Variants in IQCJ observed in about 807,000 individuals in gnomAD.
IQCJ encodes IQ domain-containing protein J.
IQCJ carries 9 observed loss-of-function variants against 11.0 expected under a neutral mutation model. That is an observed-to-expected ratio of 0.82 (90% CI 0.49 to 1.43). The LOEUF (loss-of-function observed/expected upper bound fraction) is 1.43, where lower values mean the gene tolerates loss of function less well. Ranked by LOEUF, IQCJ falls within the 40% of genes most tolerant of loss-of-function variation. The pLI is 0.00. For synonymous variants in IQCJ, 55 were observed against 51.3 expected, an observed-to-expected ratio of 1.07 and a Z score of -0.31; for missense variants, 146 against 133.2, an observed-to-expected ratio of 1.10 and a Z score of -0.47.
intron 1 of IQCJ, among the ~76,000 whole-genome samples, chr3:159,203,627 A>C (rs1043472296): frequency 2.6e-5 from 4 of 152,062 alleles, no homozygotes; most frequent in African/African-American, 9.7e-5. Context: ...AGAGAAAGAC[A>C]GGGGAGGAGG....
intron 1 of IQCJ, among the ~76,000 whole-genome samples, chr3:159,240,719 G>A (rs1304762410): frequency 3.3e-5 from 5 of 151,958 alleles, no homozygotes; most frequent in Non-Finnish European, 7.4e-5. Context: ...GGAGGCCGAG[G>A]TCCAGCACTA....
intron 1 of IQCJ, among the ~76,000 whole-genome samples, chr3:159,078,802 A>T (rs1211876941): frequency 6.6e-6 from 1 of 152,098 alleles, no homozygotes; most frequent in African/African-American, 2.4e-5. Context: ...CTTACTAGCC[A>T]TATAATCTTG....
intron 1 of IQCJ, among the ~76,000 whole-genome samples, chr3:159,091,332 C>T (rs531558342): frequency 5.3e-5 from 8 of 151,866 alleles, no homozygotes; most frequent in Non-Finnish European, 8.8e-5. Context: ...GGTGCTGACA[C>T]GGTTGGGCTC....
intron 1 of IQCJ, among the ~76,000 whole-genome samples, chr3:159,172,202 AG>A (rs1350685096): frequency 6.6e-6 from 1 of 152,178 alleles, no homozygotes; most frequent in East Asian, 1.9e-4. Flanking sequence ...AATGTCCGTA[AG>A]TAGGTGATTG....
chr3:159,241,474 G>T (rs1486749553), intron 1 of IQCJ, among the ~76,000 whole-genome samples: 1 of 152,048 alleles, frequency 6.6e-6, no homozygotes, highest in African/African-American at 2.4e-5. Flanking sequence ...GTCCATCAAT[G>T]TGCTGGTTTC....
At chr3:159,239,130 G>A (rs1726760904) in intron 1 of IQCJ, among the ~76,000 whole-genome samples, 1 of 152,076 alleles carries the variant, frequency 6.6e-6, no homozygotes, top group Admixed American at 6.5e-5. Flanking sequence ...GGAGTAACAT[G>A]ACTTGCTTAT....
intron 1 of IQCJ, among the ~76,000 whole-genome samples, chr3:159,201,642 T>C (rs2108067694): frequency 7.0e-6 from 1 of 141,850 alleles, no homozygotes; most frequent in Admixed American, 7.0e-5. Flanking sequence ...TTTTTTTTTT[T>C]TTTTTTTTTT....
At chr3:159,189,012 G>C (rs755942730) in intron 1 of IQCJ, among the ~76,000 whole-genome samples, 30 of 152,088 alleles carry the variant, frequency 2.0e-4, no homozygotes, top group Non-Finnish European at 1.5e-4. Context: ...GTTGGGAGAG[G>C]GAATATTGTA....
chr3:159,198,834 AAG>A (rs1337510895), intron 1 of IQCJ, among the ~76,000 whole-genome samples: 1 of 152,226 alleles, frequency 6.6e-6, no homozygotes, highest in East Asian at 1.9e-4. Context: ...TAAGTAAAAA[AAG>A]AGAGACTGAA....
intron 1 of IQCJ, among the ~76,000 whole-genome samples, chr3:159,166,115 G>A (rs368009813): frequency 6.6e-6 from 1 of 151,726 alleles, no homozygotes; most frequent in Admixed American, 6.6e-5. Context: ...AATGCAGGAA[G>A]GAGTTGCTAA....
At chr3:159,195,099 A>C (rs949110514) in intron 1 of IQCJ, among the ~76,000 whole-genome samples, 24 of 127,194 alleles carry the variant, frequency 1.9e-4, no homozygotes, top group Non-Finnish European at 3.7e-4. Context: ...TGACAGAGCA[A>C]GACTCTGTCT....
At chr3:159,088,238 A>T (rs1236752801) in intron 1 of IQCJ, among the ~76,000 whole-genome samples, 2 of 151,928 alleles carry the variant, frequency 1.3e-5, no homozygotes, top group African/African-American at 2.4e-5. Flanking sequence ...TTTGAGTGAG[A>T]TTCTTAATCC....
chr3:159,185,186 G>A (rs1723309231), intron 1 of IQCJ, among the ~76,000 whole-genome samples: 2 of 152,058 alleles, frequency 1.3e-5, no homozygotes, highest in Admixed American at 1.3e-4. Flanking sequence ...AGGATGCTGG[G>A]GCCTCTGTCA....
intron 1 of IQCJ, among the ~76,000 whole-genome samples, chr3:159,150,249 G>A (rs759548419): frequency 1.3e-5 from 2 of 152,140 alleles, no homozygotes; most frequent in Middle Eastern, 3.2e-3. Context: ...GATGGAAACC[G>A]ATAGAAAGTA....
intron 1 of IQCJ, among the ~76,000 whole-genome samples, chr3:159,181,148 C>A (rs1316531669): frequency 2.6e-5 from 4 of 151,772 alleles, no homozygotes; most frequent in South Asian, 2.1e-4. Context: ...AAACGAACAC[C>A]ATGTCTGGTG....
intron 1 of IQCJ, among the ~76,000 whole-genome samples, chr3:159,095,269 T>C (rs992899585): frequency 3.9e-5 from 6 of 151,912 alleles, no homozygotes; most frequent in Non-Finnish European, 7.3e-5. Flanking sequence ...TAAATGTGTA[T>C]AGACAGTGTT....
At chr3:159,094,448 T>TA (rs1553775448) in intron 1 of IQCJ, among the ~76,000 whole-genome samples, 4 of 104,302 alleles carry the variant, frequency 3.8e-5, no homozygotes, top group East Asian at 2.5e-4. Context: ...TTTTTTTTTT[T>TA]ACTATTGGAA....
Position 159,081,385 on chromosome 3 carries a change from T to C in IQCJ, c.9+11944T>C, listed in dbSNP as rs114341700. Among the ~76,000 whole-genome samples the C allele has an allele frequency of 2.5e-3, 374 of 152,004 alleles. 4 individuals are homozygous for C. Among genetic ancestry groups the C allele is most frequent in the African/African-American group, 6.3e-3 (263 of 41,496 alleles). The stretch of plus-strand genomic sequence containing the variant: ...GACTTAGGCCAAGATTCACCTGAGG[T>C]TGGGGAGGGTGAATGCTGATATCAG... On this transcript the variant is annotated intron_variant, in intron 1 of 3. Coordinates refer to ENST00000397832, the MANE Select transcript of IQCJ (RefSeq NM_001042706.3).
chr3:159,235,361 G>A (rs1005843971), intron 1 of IQCJ, among the ~76,000 whole-genome samples: 7 of 152,168 alleles, frequency 4.6e-5, no homozygotes, highest in African/African-American at 1.4e-4. Context: ...ATTTTGTAAT[G>A]AGCCAGTTCT....
Sources: gnomAD v4.1 joint callset for allele counts (sites outside exome capture counted in the v4.1 genomes callset) on GRCh38, gnomAD v4.1.1 for gene constraint, MANE v1.5 for transcripts, NCBI Gene and HGNC (gene_info 2026-07-23, HGNC 2026-07-21) for gene names.